Variants in EIPR1 observed in about 807,000 individuals in gnomAD.
The protein encoded by EIPR1 is EARP and GARP complex-interacting protein 1.
A neutral mutation model predicts 48.1 loss-of-function variants in EIPR1; 25 were observed. The observed-to-expected ratio is 0.52, with a 90% CI of 0.38 to 0.73. EIPR1 has a LOEUF of 0.73. EIPR1 is among the 30% of genes least tolerant of loss of function. The pLI is 0.00. For missense variants in EIPR1, 415 were observed against 506.2 expected (o/e 0.82, Z 1.73); for synonymous variants, 204 against 201.9 (o/e 1.01, Z -0.09).
chr2:3,250,061 G>A (rs979211785), intron 4 of EIPR1, among the ~76,000 whole-genome samples: 14 of 152,212 alleles, frequency 9.2e-5, no homozygotes, highest in African/African-American at 3.4e-4. Context: ...GGAAATGTGA[G>A]GTTGAAGTCC....
Position 3,189,407 on chromosome 2 carries a change from G to A in EIPR1, c.1091C>T (p.Ala364Val). The change falls in exon 9 of 9, where the codon GCC becomes GTC. Residue 364 changes from alanine to valine, a missense_variant. By Grantham distance (64) the Ala-to-Val change is moderately conservative. Coordinates refer to ENST00000382125, the MANE Select transcript of EIPR1 (RefSeq NM_003310.5). This position sits in a 1 kb window ranked among gnomAD's most constrained non-coding sequence, Gnocchi z 4.6. ...DWSSADPWLF[A>V]SLSYDGRLVI... ...GAGCCTCCCGTCATAGCTCAGGGAG[G>A]CAAACAGCCACGGGTCAGCCGAGGA... 1 of 1,601,952 alleles carries A rather than the reference G, an allele frequency of 6.2e-7. No homozygotes were observed. The highest frequency in any genetic ancestry group is 8.5e-7 in the Non-Finnish European group (1 of 1,173,944).
At chr2:3,260,665 C>T (rs796980531) in intron 3 of EIPR1, among the ~76,000 whole-genome samples, 3 of 152,280 alleles carry the variant, frequency 2.0e-5, no homozygotes, top group African/African-American at 7.2e-5. Context: ...AGACCTCCCA[C>T]AGCTTAATAA....
chr2:3,269,330 CATCATCACACTCA>C (rs1667603314), intron 3 of EIPR1, among the ~76,000 whole-genome samples: 1 of 95,440 alleles, frequency 1.0e-5, no homozygotes, highest in Admixed American at 1.0e-4. Context: ...CGCACTCAAT[CATCATCACACTCA>C]GTCATCGCAC....
Position 3,262,322 on chromosome 2 carries a change from T to C in EIPR1, c.260-4867A>G, listed in dbSNP as rs564218146. The stretch of plus-strand genomic sequence containing the variant: ...CATTCATGACATTACAGTGACAACG[T>C]AGGAGGAGCGTGCAGAAGACCTTGG... On this transcript the variant is annotated intron_variant, in intron 3 of 8. Coordinates refer to ENST00000382125, the MANE Select transcript of EIPR1 (RefSeq NM_003310.5). Among the ~76,000 whole-genome samples, 6 of 152,180 alleles carry C rather than the reference T, an allele frequency of 3.9e-5. No homozygotes were observed. The East Asian group carries it at 9.7e-4, about 24-fold the overall frequency.
chr2:3,333,995 T>A (rs969008263), intron 3 of EIPR1, among the ~76,000 whole-genome samples: 3 of 152,080 alleles, frequency 2.0e-5, no homozygotes, highest in Non-Finnish European at 4.4e-5. Flanking sequence ...CATTAAAAGA[T>A]GCCACCGTTC....
At chr2:3,369,806 A>T (rs1671067043) in intron 1 of EIPR1, among the ~76,000 whole-genome samples, 1 of 152,232 alleles carries the variant, frequency 6.6e-6, no homozygotes, top group South Asian at 2.1e-4. Flanking sequence ...CTCTGGGGGC[A>T]GGGCACAGAC....
chr2:3,231,804 T>C (rs1217524642), intron 4 of EIPR1, among the ~76,000 whole-genome samples: 6 of 152,388 alleles, frequency 3.9e-5, no homozygotes, highest in African/African-American at 1.4e-4. Context: ...TCTCTTCTAG[T>C]AGTGTCTTTG....
chr2:3,190,569 T>C (rs1374833409), intron 8 of EIPR1, among the ~76,000 whole-genome samples: 2 of 152,016 alleles, frequency 1.3e-5, no homozygotes, highest in African/African-American at 2.4e-5. Flanking sequence ...CCTCCTCCCT[T>C]CCTATCTTGC....
chr2:3,289,646 G>A (rs923356562), intron 3 of EIPR1, among the ~76,000 whole-genome samples: 13 of 152,148 alleles, frequency 8.5e-5, no homozygotes, highest in South Asian at 2.1e-4. Flanking sequence ...TTTGAATCCC[G>A]TAGGGTGTGT....
intron 4 of EIPR1, among the ~76,000 whole-genome samples, chr2:3,243,704 G>A (rs891255775): frequency 2.0e-5 from 3 of 152,098 alleles, no homozygotes; most frequent in African/African-American, 7.2e-5. Context: ...AGCAAAACCA[G>A]GACCATTTAT....
At chr2:3,285,623 G>T (rs534062309) in intron 3 of EIPR1, among the ~76,000 whole-genome samples, 3 of 152,208 alleles carry the variant, frequency 2.0e-5, no homozygotes, top group African/African-American at 2.4e-5. Context: ...CTGATGCTGC[G>T]CAAGAGTTAC....
At chr2:3,248,168 C>A (rs894280985) in intron 4 of EIPR1, among the ~76,000 whole-genome samples, 1 of 152,090 alleles carries the variant, frequency 6.6e-6, no homozygotes, top group Non-Finnish European at 1.5e-5. Context: ...AGTCTGGGGT[C>A]TGGGTGTGGT....
chr2:3,199,061 G>GCCCCCCCCCCC (rs1334678710), intron 5 of EIPR1, among the ~76,000 whole-genome samples: 11 of 22,600 alleles, frequency 4.9e-4, no homozygotes, highest in African/African-American at 7.9e-4. Flanking sequence ...ATTTTAGAGG[G>GCCCCCCCCCCC]CCCCCCCCCC....
intron 4 of EIPR1, among the ~76,000 whole-genome samples, chr2:3,226,246 TAA>T (rs942182978): frequency 3.3e-5 from 5 of 152,244 alleles, no homozygotes; most frequent in Admixed American, 6.5e-5. Flanking sequence ...CTTGAATATA[TAA>T]AAGTGTTTCC....
chr2:3,317,671 C>G (rs1669353739), intron 3 of EIPR1, among the ~76,000 whole-genome samples: 1 of 152,228 alleles, frequency 6.6e-6, no homozygotes, highest in Admixed American at 6.5e-5. Flanking sequence ...CACTGAAGCC[C>G]TAGACCCAGT....
At chr2:3,330,887 G>A (rs1038056959) in intron 3 of EIPR1, among the ~76,000 whole-genome samples, 1 of 104,096 alleles carries the variant, frequency 9.6e-6, no homozygotes, top group Non-Finnish European at 1.8e-5. Flanking sequence ...AGCAGAGACA[G>A]GTGCACACAC....
At chr2:3,193,918 G>A in intron 7 of EIPR1, 81 bp downstream of exon 7, 1 of 1,512,380 alleles carries the variant, frequency 6.6e-7, no homozygotes, top group Non-Finnish European at 9.0e-7. Context: ...AAGCTGGTTT[G>A]TGTCTTTCCC....
chr2:3,343,790 C>T (rs1478883210), intron 2 of EIPR1, among the ~76,000 whole-genome samples: 3 of 152,136 alleles, frequency 2.0e-5, no homozygotes. Context: ...GCTGTGGGGC[C>T]GGGCCACCGA....
At chr2:3,321,683 T>C (rs1669534911) in intron 3 of EIPR1, among the ~76,000 whole-genome samples, 1 of 152,240 alleles carries the variant, frequency 6.6e-6, no homozygotes, top group Non-Finnish European at 1.5e-5. Context: ...CCATTGTATC[T>C]TGACTTTCTT....
Sources: gnomAD v4.1 joint callset for allele counts (sites outside exome capture counted in the v4.1 genomes callset) on GRCh38, gnomAD v4.1.1 for gene constraint, Gnocchi (gnomAD v3.1) non-coding constraint, MANE v1.5 for transcripts, NCBI Gene and HGNC (gene_info 2026-07-23, HGNC 2026-07-21) for gene names.